The following CSMD3 variants were observed in gnomAD, a reference collection of about 807,000 sequenced individuals.
CSMD3 encodes CUB and Sushi multiple domains 3.
CSMD3 carries 177 observed loss-of-function variants against 435.2 expected under a neutral mutation model. The ratio of observed to expected loss-of-function variants is 0.41; its 90% CI spans 0.36 to 0.46. The LOEUF is 0.46. CSMD3 is among the 20% of genes least tolerant of loss of function. The pLI is 0.34. For synonymous variants in CSMD3, 1,656 were observed against 1,520.5 expected (o/e 1.09, Z -2.07); for missense variants, 4,265 against 4,504.6 (o/e 0.95, Z 1.52).
At chr8:112,315,970 T>C (rs1183110114) in intron 47 of CSMD3, among the ~76,000 whole-genome samples, 1 of 151,850 alleles carries the variant, frequency 6.6e-6, no homozygotes. Context: ...TATATATTCA[T>C]AGTGTTCAGG....
intron 14 of CSMD3, among the ~76,000 whole-genome samples, chr8:112,687,329 A>C (rs2076034858): frequency 6.6e-6 from 1 of 151,956 alleles, no homozygotes; most frequent in Non-Finnish European, 1.5e-5. Context: ...AGACATTTTC[A>C]TTTTCTTTTA....
At chr8:112,266,374 T>G (rs1003040943) in intron 59 of CSMD3, among the ~76,000 whole-genome samples, 1 of 152,190 alleles carries the variant, frequency 6.6e-6, no homozygotes, top group Middle Eastern at 3.4e-3. Context: ...GGGCAACAGG[T>G]TGTCAGGAGC....
At position 112,224,332 on chromosome 8, in the gene CSMD3, G is replaced by A. The variant is rs908088027; in HGVS notation, c.*439C>T. Reference sequence around the variant, plus strand: ...TGGTATGAAAGACAGATTTGTGGGCGTGATGTAGCTCAGGACAGTTAAAGA... The same window carrying A: ...TGGTATGAAAGACAGATTTGTGGGCATGATGTAGCTCAGGACAGTTAAAGA... On this transcript the variant is annotated 3_prime_UTR_variant, in exon 71 of 71. Transcript: ENST00000297405. The A allele has an allele frequency of 5.9e-5, 10 of 170,188 alleles. No homozygotes were observed. Among genetic ancestry groups the A allele is most frequent in the South Asian group, 1.4e-4 (1 of 7,076 alleles). The allele number at this position is 170,188 out of a possible 1,614,324, so 10.5% of individuals were successfully genotyped here.
intron 5 of CSMD3, among the ~76,000 whole-genome samples, chr8:113,088,607 A>G (rs1434687398): frequency 1.3e-5 from 2 of 151,028 alleles, no homozygotes; most frequent in Non-Finnish European, 3.0e-5. Context: ...AACTATCCCA[A>G]GGACAAAAAA....
intron 23 of CSMD3, among the ~76,000 whole-genome samples, chr8:112,577,503 G>A (rs987837340): frequency 3.3e-5 from 5 of 151,872 alleles, no homozygotes; most frequent in Non-Finnish European, 7.4e-5. Context: ...GTTTATTTAA[G>A]CATAATATCC....
chr8:112,693,335 C>T (rs1001750996), intron 13 of CSMD3, among the ~76,000 whole-genome samples: 3 of 151,920 alleles, frequency 2.0e-5, no homozygotes, highest in South Asian at 2.1e-4. Context: ...ATACCTTCTT[C>T]GAAAAATTGT....
At chr8:113,399,106 T>TATACATAC (rs773585004) in intron 1 of CSMD3, among the ~76,000 whole-genome samples, 3 of 95,096 alleles carry the variant, frequency 3.2e-5, no homozygotes, top group African/African-American at 1.4e-4. Context: ...TATATATATA[T>TATACATAC]ACACACACAC....
chr8:113,406,883 AAAAAC>A (rs2094535143), intron 1 of CSMD3, among the ~76,000 whole-genome samples: 1 of 152,102 alleles, frequency 6.6e-6, no homozygotes, highest in Non-Finnish European at 1.5e-5. Context: ...CAAGTGTTTC[AAAAAC>A]TCCATCTACT....
chr8:112,295,929 C>A lies in CSMD3; in HGVS notation c.8518G>T (p.Val2840Leu). 7 of 1,612,520 alleles carry A rather than the reference C, an allele frequency of 4.3e-6. No homozygotes were observed. The highest frequency in any genetic ancestry group is 5.9e-6 in the Non-Finnish European group (7 of 1,178,642). ...GENYGYRDTV[V>L]YQCNPGFRLI... ...CGAAAACCAGGATTACATTGATATACAACTGTGTCTCTATATCCATAATTT... is the reference window on the plus strand; with the variant it reads ...CGAAAACCAGGATTACATTGATATAAAACTGTGTCTCTATATCCATAATTT... The change falls in exon 54 of 71, where the codon GTA (valine) becomes TTA (leucine). Residue 2840 changes from valine (V) to leucine (L), a missense_variant. Physicochemically the swap from Val to Leu is conservative, Grantham distance 32 (BLOSUM62 1). This residue lies in a region of CSMD3 where 3,255 missense variants were observed against 3,380.2 expected (regional missense o/e 0.96). Coordinates refer to ENST00000297405, the MANE Select transcript of CSMD3 (RefSeq NM_198123.2).
In CSMD3 at chr8:113,151,812, C is replaced by T. The variant is rs187900085; in HGVS notation, c.709+21910G>A. On this transcript the variant is annotated intron_variant, in intron 4 of 70. Coordinates refer to ENST00000297405, the MANE Select transcript of CSMD3 (RefSeq NM_198123.2). ...TTATGATATGATTTTGAGAAAAATG[C>T]CTAACTTCTCTGACACATATTAGAA... Among the ~76,000 whole-genome samples the T allele has an allele frequency of 1.2e-3, 178 of 152,022 alleles. 1 individual carries two copies. The highest frequency in any genetic ancestry group is 0.01 in the Middle Eastern group (3 of 294).
In CSMD3 at chr8:113,355,719, TTTTTA is replaced by T. The variant is rs1563737784; in HGVS notation, c.179-40931_179-40927del. 2.3e-4 allele frequency among the ~76,000 whole-genome samples: 18 copies of T among 79,666 alleles called. No individual in the cohort carries two copies. The East Asian group carries it at 5.1e-3, about 22-fold the overall frequency. 52.3% of individuals were successfully genotyped at this position (79,666 alleles called of 152,430 possible). On this transcript the variant is annotated intron_variant, in intron 1 of 70. Transcript: ENST00000297405. ...GAATAAATAACTCTTAAAAGTTTTA[TTTTTA>T]TATATATATATATATATATATATAT... is the stretch of plus-strand genomic sequence containing the variant.
intron 32 of CSMD3, among the ~76,000 whole-genome samples, chr8:112,460,946 G>A (rs1445826205): frequency 6.6e-6 from 1 of 152,078 alleles, no homozygotes; most frequent in Non-Finnish European, 1.5e-5. Flanking sequence ...TGCACCATAT[G>A]TTTGTATACC....
At chr8:112,669,408 A>C (rs1249451431) in intron 16 of CSMD3, among the ~76,000 whole-genome samples, 2 of 152,216 alleles carry the variant, frequency 1.3e-5, no homozygotes, top group East Asian at 1.9e-4. Flanking sequence ...ACTAAAAAAA[A>C]CAAAAAGTTA....
chr8:113,212,559 T>C (rs2092849306), intron 3 of CSMD3, among the ~76,000 whole-genome samples: 1 of 152,070 alleles, frequency 6.6e-6, no homozygotes, highest in Admixed American at 6.6e-5. Flanking sequence ...TATGCAATCA[T>C]AAAAAATGAT....
intron 7 of CSMD3, among the ~76,000 whole-genome samples, chr8:112,973,706 T>A (rs2084744126): frequency 6.6e-6 from 1 of 151,848 alleles, no homozygotes. Flanking sequence ...AGCAATAGAA[T>A]AGTAGGTTTC....
intron 1 of CSMD3, chr8:113,376,821 G>A: frequency 1.2e-6 from 2 of 1,613,724 alleles, no homozygotes; most frequent in Non-Finnish European, 1.7e-6. Context: ...TGAAGAGGTT[G>A]TTTATGAGTC....
chr8:113,393,414 A>G (rs2094469958), intron 1 of CSMD3, among the ~76,000 whole-genome samples: 1 of 151,894 alleles, frequency 6.6e-6, no homozygotes, highest in South Asian at 2.1e-4. Flanking sequence ...AACTTAACCC[A>G]CTCTTTAGAC....
intron 30 of CSMD3, among the ~76,000 whole-genome samples, chr8:112,499,409 A>G (rs1408788408): frequency 6.6e-6 from 1 of 152,082 alleles, no homozygotes; most frequent in Non-Finnish European, 1.5e-5. Context: ...GCAGGTCAAA[A>G]AATGGTGAGA....
intron 2 of CSMD3, among the ~76,000 whole-genome samples, chr8:113,288,584 T>A (rs2093662689): frequency 6.6e-6 from 1 of 151,864 alleles, no homozygotes; most frequent in African/African-American, 2.4e-5. Context: ...CCATCTTGAA[T>A]CATTGAGAAA....
Sources: allele counts gnomAD v4.1 joint callset (sites outside exome capture counted in the v4.1 genomes callset), GRCh38; gene constraint gnomAD v4.1.1; regional missense constraint gnomAD v4.1.1; transcripts MANE v1.5; gene names NCBI Gene and HGNC (gene_info 2026-07-23, HGNC 2026-07-21).